The following LIN28B variants were observed in gnomAD, a reference collection of about 807,000 sequenced individuals.
LIN28B encodes lin-28 RNA binding posttranscriptional regulator B, also known as protein lin-28 homolog B.
Under a neutral mutation model 21.9 loss-of-function variants are expected in LIN28B, and 5 were observed. The ratio of observed to expected loss-of-function variants is 0.23; its 90% CI spans 0.12 to 0.48. The LOEUF (loss-of-function observed/expected upper bound fraction) is 0.48. Ranked by LOEUF, LIN28B falls within the 20% of genes least tolerant of loss-of-function variation. The pLI is 0.98. For missense variants in LIN28B, 245 were observed against 310.5 expected (o/e 0.79, Z 1.58); for synonymous variants, 109 against 111.3 (o/e 0.98, Z 0.13).
At chr6:105,013,538 G>A (rs1770965011) in intron 2 of LIN28B, among the ~76,000 whole-genome samples, 1 of 151,716 alleles carries the variant, frequency 6.6e-6, no homozygotes, top group South Asian at 2.1e-4. Context: ...AGGAGTTCGA[G>A]ACCAACCTGG....
intron 3 of LIN28B, among the ~76,000 whole-genome samples, chr6:105,034,073 T>A (rs1441899592): frequency 6.6e-6 from 1 of 151,926 alleles, no homozygotes; most frequent in Non-Finnish European, 1.5e-5. Context: ...ATGTGCATAA[T>A]TTTAAAGAAC....
chr6:105,012,880 A>T lies in LIN28B; in HGVS notation c.199-13418A>T, dbSNP rs144550293. Among the ~76,000 whole-genome samples the T allele has an allele frequency of 9.5e-3, 1,441 of 152,310 alleles. 19 individuals carry two copies. Among genetic ancestry groups the T allele is most frequent in the Admixed American group, 0.031 (472 of 15,296 alleles). ...AGGGCAGGTATATGTTTAATTCTATAGGAGATTGCCAAACTTTTTCCAAAG... is the reference window on the plus strand; with the variant it reads ...AGGGCAGGTATATGTTTAATTCTATTGGAGATTGCCAAACTTTTTCCAAAG... On this transcript the variant is annotated intron_variant, in intron 2 of 3. Transcript: ENST00000345080.
intron 3 of LIN28B, among the ~76,000 whole-genome samples, chr6:105,050,608 CAAAAAAAAA>C (rs61464567): frequency 2.9e-4 from 14 of 47,608 alleles, no homozygotes; most frequent in South Asian, 1.6e-3. Flanking sequence ...GACTCCGTCT[CAAAAAAAAA>C]AAAAAAAAAA....
At chr6:104,940,431 G>C (rs1039418177) in intron 2 of LIN28B, 5 of 155,088 alleles carry the variant, frequency 3.2e-5, no homozygotes, top group African/African-American at 1.2e-4. Context: ...GCCTCCACCA[G>C]AACAAACGGC....
At chr6:105,046,666 T>G (rs915057695) in intron 3 of LIN28B, among the ~76,000 whole-genome samples, 21 of 152,206 alleles carry the variant, frequency 1.4e-4, no homozygotes, top group African/African-American at 4.8e-4. Flanking sequence ...CTCCACATCC[T>G]CTCCAGCACC....
In LIN28B at chr6:105,080,538, A is replaced by C. The variant is rs1772524995; in HGVS notation, c.*1755A>C. ...TCCTTTACAACTCAGCTTGAATTTC[A>C]CAACAGTGATTGTGAGAATCTGCGT... On this transcript the variant is annotated 3_prime_UTR_variant, in exon 4 of 4. Coordinates refer to ENST00000345080, the MANE Select transcript of LIN28B (RefSeq NM_001004317.4). 6.6e-6 allele frequency: 1 copy of C among 152,584 alleles called. No homozygotes were observed. The highest frequency in any genetic ancestry group is 2.4e-5 in the African/African-American group (1 of 41,438). 9.5% of individuals were successfully genotyped at this position (152,584 alleles called of 1,614,324 possible).
intron 3 of LIN28B, among the ~76,000 whole-genome samples, chr6:105,027,212 T>C (rs1246365660): frequency 6.6e-6 from 1 of 152,148 alleles, no homozygotes; most frequent in Non-Finnish European, 1.5e-5. Flanking sequence ...CAAAAAAATA[T>C]GTATTTTAAA....
At chr6:104,957,419 A>G (rs1330509861) in intron 1 of LIN28B, among the ~76,000 whole-genome samples, 159 bp downstream of exon 1, 5 of 142,020 alleles carry the variant, frequency 3.5e-5, no homozygotes, top group Non-Finnish European at 7.5e-5. Flanking sequence ...GCTTTCTGCA[A>G]ACCTATTGTT....
At position 104,969,650 on chromosome 6, in the gene LIN28B, C is replaced by G. The variant is rs530737023; in HGVS notation, c.198+11364C>G. Reference sequence around the variant, plus strand: ...CATGTTATTTTATATGGTATGGTATCCTGTTGGTAGTGAAAGTGTGGTCAT... The same window carrying G: ...CATGTTATTTTATATGGTATGGTATGCTGTTGGTAGTGAAAGTGTGGTCAT... On this transcript the variant is annotated intron_variant, in intron 2 of 3. Coordinates refer to ENST00000345080, the MANE Select transcript of LIN28B (RefSeq NM_001004317.4). Among the ~76,000 whole-genome samples, 3 of 152,112 alleles carry G rather than the reference C, an allele frequency of 2.0e-5. No homozygotes were observed. In the South Asian group the frequency reaches 6.2e-4, roughly 32 times the overall value.
chr6:105,065,059 C>T (rs560692460), intron 3 of LIN28B, among the ~76,000 whole-genome samples: 24 of 152,286 alleles, frequency 1.6e-4, no homozygotes, highest in East Asian at 3.9e-4. Flanking sequence ...AGGGATTCAA[C>T]GGCTCTTCCC....
intron 3 of LIN28B, among the ~76,000 whole-genome samples, chr6:105,069,981 C>T (rs1027876421): frequency 6.6e-6 from 1 of 152,008 alleles, no homozygotes; most frequent in African/African-American, 2.4e-5. Flanking sequence ...CTTTCCCTTC[C>T]TCCTTCCCTC....
chr6:104,955,379 G>T (rs375604547), upstream of LIN28B, among the ~76,000 whole-genome samples: 21 of 151,640 alleles, frequency 1.4e-4, no homozygotes, highest in East Asian at 4.1e-3. Context: ...TGAGAAAGTA[G>T]CCCTTTTTCC....
At chr6:105,028,194 A>G (rs1771326109) in intron 3 of LIN28B, among the ~76,000 whole-genome samples, 1 of 152,102 alleles carries the variant, frequency 6.6e-6, no homozygotes, top group Non-Finnish European at 1.5e-5. Context: ...TCAGTATGTG[A>G]GGGAGAATAG....
At chr6:105,005,476 A>G (rs972357070) in intron 2 of LIN28B, among the ~76,000 whole-genome samples, 3 of 151,934 alleles carry the variant, frequency 2.0e-5, no homozygotes, top group African/African-American at 7.3e-5. Context: ...ACTCTTTGAT[A>G]TGGTTTCAAT....
intron 3 of LIN28B, among the ~76,000 whole-genome samples, chr6:105,030,618 A>T (rs1263014804): frequency 5.9e-5 from 7 of 117,808 alleles, no homozygotes; most frequent in Non-Finnish European, 1.0e-4. Flanking sequence ...TTTTTTGGAG[A>T]CAGAGTTTGC....
At chr6:105,033,743 T>C (rs1050943308) in intron 3 of LIN28B, among the ~76,000 whole-genome samples, 11 of 151,896 alleles carry the variant, frequency 7.2e-5, no homozygotes, top group African/African-American at 2.7e-4. Flanking sequence ...TTATATTTCT[T>C]CTATAAAACT....
chr6:105,027,595 C>A (rs1771314082), intron 3 of LIN28B, among the ~76,000 whole-genome samples: 1 of 151,730 alleles, frequency 6.6e-6, no homozygotes, highest in Non-Finnish European at 1.5e-5. Flanking sequence ...TATATTTTAT[C>A]TTTAATGATA....
chr6:104,986,098 C>T (rs1437019738), intron 2 of LIN28B, among the ~76,000 whole-genome samples: 1 of 152,028 alleles, frequency 6.6e-6, no homozygotes, highest in Non-Finnish European at 1.5e-5. Flanking sequence ...TGGGTGAGTT[C>T]TCATGAGACC....
chr6:104,942,745 A>G (rs1311944773), intron 2 of LIN28B, among the ~76,000 whole-genome samples: 2 of 152,228 alleles, frequency 1.3e-5, no homozygotes, highest in Non-Finnish European at 2.9e-5. Flanking sequence ...TGAAACTGAC[A>G]CAAGGCCTCT....
Sources: gnomAD v4.1 joint callset for allele counts (sites outside exome capture counted in the v4.1 genomes callset) on GRCh38, gnomAD v4.1.1 for gene constraint, MANE v1.5 for transcripts, NCBI Gene and HGNC (gene_info 2026-07-23, HGNC 2026-07-21) for gene names.